The following DCC variants were observed in gnomAD, a reference collection of about 807,000 sequenced individuals.
DCC encodes DCC netrin 1 receptor.
In DCC, 58 loss-of-function variants were observed where a neutral mutation model predicts 172.5. The observed-to-expected ratio is 0.34, with a 90% CI of 0.27 to 0.42. DCC has a LOEUF of 0.42. Ranked by LOEUF, DCC falls within the 10% of genes least tolerant of loss-of-function variation. DCC has a pLI of 1.00. For missense variants in DCC, 1,740 were observed against 1,791.0 expected, an observed-to-expected ratio of 0.97 and a Z score of 0.51; for synonymous variants, 709 against 644.5, an observed-to-expected ratio of 1.10 and a Z score of -1.52.
At chr18:53,128,870 C>CACATATATATATAT (rs1300738812) in intron 7 of DCC, among the ~76,000 whole-genome samples, 8 of 77,462 alleles carry the variant, frequency 1.0e-4, no homozygotes, top group African/African-American at 1.9e-4. Context: ...CACACACACA[C>CACATATATATATAT]ATATATATAT....
At chr18:53,222,370 CTTTTTCTTTTTTCTTTTTTTTTTTT>C (rs2055949754) in intron 12 of DCC, among the ~76,000 whole-genome samples, 1 of 125,284 alleles carries the variant, frequency 8.0e-6, no homozygotes, top group Non-Finnish European at 1.7e-5. Context: ...TTTCTTTTTT[CTTTTTCTTTTTTCTTTTTTTTTTTT>C]TTTTTTTGAA....
At chr18:52,638,553 T>C (rs1490660729) in intron 1 of DCC, among the ~76,000 whole-genome samples, 1 of 152,084 alleles carries the variant, frequency 6.6e-6, no homozygotes, top group Non-Finnish European at 1.5e-5. Context: ...AAACAAACTT[T>C]AAAGCAACAG....
intron 1 of DCC, among the ~76,000 whole-genome samples, chr18:52,740,810 T>C (rs2036810602): frequency 6.6e-6 from 1 of 152,230 alleles, no homozygotes; most frequent in Non-Finnish European, 1.5e-5. Flanking sequence ...TGTGGTCTTG[T>C]TTCAGTCTGT....
intron 1 of DCC, among the ~76,000 whole-genome samples, chr18:52,432,720 A>C (rs544852620): frequency 6.6e-6 from 1 of 152,278 alleles, no homozygotes; most frequent in East Asian, 1.9e-4. Context: ...TCACTTATGG[A>C]CATTGCGATT....
At chr18:52,446,337 T>C (rs912421357) in intron 1 of DCC, among the ~76,000 whole-genome samples, 1 of 152,228 alleles carries the variant, frequency 6.6e-6, no homozygotes, top group African/African-American at 2.4e-5. Flanking sequence ...TTTGAAATTC[T>C]GTATTTGCTT....
Position 53,090,698 on chromosome 18 carries a change from C to CAAAAAAAAAAAAAAAAAAAAAAAAAAAA in DCC, c.1261+24541_1261+24568dup, listed in dbSNP as rs59898050. On this transcript the variant is annotated intron_variant, in intron 7 of 28. Transcript: ENST00000442544. ...GACAGAGCGAAACTCCGTCCCCCAA[C>CAAAAAAAAAAAAAAAAAAAAAAAAAAAA]AAAAAAAAAAAAAAAAAAAAAAAAA... Among the ~76,000 whole-genome samples, 35 of 39,350 alleles carry CAAAAAAAAAAAAAAAAAAAAAAAAAAAA rather than the reference C, an allele frequency of 8.9e-4. 6 individuals carry two copies. Among genetic ancestry groups the CAAAAAAAAAAAAAAAAAAAAAAAAAAAA allele is most frequent in the Non-Finnish European group, 1.2e-3 (22 of 18,214 alleles). The allele number at this position is 39,350 out of a possible 152,430, so 25.8% of individuals were successfully genotyped here.
At chr18:53,191,633 A>G (rs1462408640) in intron 9 of DCC, among the ~76,000 whole-genome samples, 4 of 152,234 alleles carry the variant, frequency 2.6e-5, no homozygotes, top group Non-Finnish European at 5.9e-5. Context: ...AAGGTTGACA[A>G]TCTGAAATTA....
At chr18:52,905,192 A>G (rs1394546459) in intron 2 of DCC, among the ~76,000 whole-genome samples, 1 of 150,328 alleles carries the variant, frequency 6.7e-6, no homozygotes, top group East Asian at 1.9e-4. Flanking sequence ...TTATTTTTTC[A>G]TGCATGCTTA....
intron 1 of DCC, among the ~76,000 whole-genome samples, chr18:52,708,167 C>A (rs2036239638): frequency 6.6e-6 from 1 of 152,200 alleles, no homozygotes; most frequent in African/African-American, 2.4e-5. Flanking sequence ...TTTGGCTGGG[C>A]ACAGTGGCTC....
chr18:53,477,102 G>A (rs1383888960), intron 25 of DCC, among the ~76,000 whole-genome samples: 2 of 152,116 alleles, frequency 1.3e-5, no homozygotes, highest in Admixed American at 1.3e-4. Context: ...TCCACCTCAC[G>A]GGCTCAAGCA....
intron 1 of DCC, among the ~76,000 whole-genome samples, chr18:52,614,917 C>T (rs1415347914): frequency 1.3e-5 from 2 of 152,102 alleles, no homozygotes; most frequent in African/African-American, 4.8e-5. Context: ...TGAGAGAATA[C>T]TACTTGTGAG....
chr18:52,418,308 G>A (rs1987118170), intron 1 of DCC, among the ~76,000 whole-genome samples: 1 of 152,130 alleles, frequency 6.6e-6, no homozygotes, highest in South Asian at 2.1e-4. Context: ...CCTAGTAAAA[G>A]CCATGTAATC....
intron 15 of DCC, among the ~76,000 whole-genome samples, chr18:53,361,668 C>A (rs1402167690): frequency 6.6e-6 from 1 of 152,110 alleles, no homozygotes; most frequent in South Asian, 2.1e-4. Context: ...AAATTAGAAA[C>A]AATACCAATT....
chr18:53,374,363 C>T (rs986273230), intron 15 of DCC, among the ~76,000 whole-genome samples: 8 of 152,068 alleles, frequency 5.3e-5, no homozygotes, highest in Non-Finnish European at 8.8e-5. Context: ...ATGAAAAAAG[C>T]AGAAGCAACA....
intron 27 of DCC, among the ~76,000 whole-genome samples, chr18:53,512,621 C>T (rs1030294030): frequency 1.3e-5 from 2 of 151,654 alleles, no homozygotes; most frequent in Non-Finnish European, 2.9e-5. Context: ...CTTAAAGGAG[C>T]TGATGGAGCT....
At chr18:52,495,221 G>A (rs2030694911) in intron 1 of DCC, among the ~76,000 whole-genome samples, 1 of 152,100 alleles carries the variant, frequency 6.6e-6, no homozygotes, top group Non-Finnish European at 1.5e-5. Flanking sequence ...TGTAGCTTCA[G>A]AATCTGGCAT....
intron 5 of DCC, among the ~76,000 whole-genome samples, chr18:53,007,411 T>C (rs753061012): frequency 6.6e-6 from 1 of 152,096 alleles, no homozygotes; most frequent in Non-Finnish European, 1.5e-5. Context: ...TTGACAAAAA[T>C]AGACAACTTA....
Position 52,849,172 on chromosome 18 carries a change from G to C in DCC, c.413-56872G>C, listed in dbSNP as rs116506791. The stretch of plus-strand genomic sequence containing the variant: ...TTGAAAATCATATAGTTGGGAAAAG[G>C]CTTTCTCAGGTTTTTCTAATTCCCA... On this transcript the variant is annotated intron_variant, in intron 2 of 28. Transcript: ENST00000442544. Among the ~76,000 whole-genome samples, 13 of 152,148 alleles carry C rather than the reference G, an allele frequency of 8.5e-5. No homozygotes were observed. The South Asian group carries it at 1.9e-3, about 22-fold the overall frequency.
At chr18:52,873,169 CTG>C (rs2039348520) in intron 2 of DCC, among the ~76,000 whole-genome samples, 2 of 152,152 alleles carry the variant, frequency 1.3e-5, no homozygotes, top group African/African-American at 4.8e-5. Flanking sequence ...CCCCGATAAA[CTG>C]TAAGACAAGT....
Sources: allele counts gnomAD v4.1 joint callset (sites outside exome capture counted in the v4.1 genomes callset), GRCh38; gene constraint gnomAD v4.1.1; transcripts MANE v1.5; gene names NCBI Gene and HGNC (gene_info 2026-07-23, HGNC 2026-07-21).